Variants in MTREX observed in about 807,000 individuals in gnomAD.
MTREX encodes exosome RNA helicase MTR4.
MTREX carries 76 observed loss-of-function variants against 135.4 expected under a neutral mutation model. The ratio of observed to expected loss-of-function variants is 0.56; its 90% CI spans 0.47 to 0.68. MTREX has a LOEUF of 0.68. Ranked by LOEUF, MTREX falls within the 30% of genes least tolerant of loss-of-function variation. The pLI is 0.00. For missense variants in MTREX, 920 were observed against 1,262.1 expected, an observed-to-expected ratio of 0.73 and a Z score of 4.11; for synonymous variants, 404 against 401.6, an observed-to-expected ratio of 1.01 and a Z score of -0.07.
intron 8 of MTREX, among the ~76,000 whole-genome samples, chr5:55,344,149 A>T (rs1749693558): frequency 6.6e-6 from 1 of 152,144 alleles, no homozygotes; most frequent in Non-Finnish European, 1.5e-5. Context: ...GGTTTTGAAA[A>T]GCCTGGGTGG....
At chr5:55,371,583 T>C (rs549879540) in intron 16 of MTREX, among the ~76,000 whole-genome samples, 1 of 152,264 alleles carries the variant, frequency 6.6e-6, no homozygotes, top group South Asian at 2.1e-4. Flanking sequence ...TAGCTTCTTA[T>C]ACTAAAGTTC....
Position 55,400,433 on chromosome 5 carries a change from A to C in MTREX, c.2481+12A>C. On this transcript the variant is annotated intron_variant, in intron 21 of 26. Transcript: ENST00000230640. ...AAAAAAAAGCACAGGTATGGCAGAA[A>C]TTTGGTTTTTATAGTAGAATTCTAT... 1 of 1,555,650 alleles carries C rather than the reference A, an allele frequency of 6.4e-7. No individual in the cohort carries two copies. The highest frequency in any genetic ancestry group is 8.7e-7 in the Non-Finnish European group (1 of 1,147,022).
At chr5:55,409,029 G>A (rs1750848536) in intron 22 of MTREX, among the ~76,000 whole-genome samples, 1 of 151,998 alleles carries the variant, frequency 6.6e-6, no homozygotes, top group African/African-American at 2.4e-5. Flanking sequence ...ATGGCTCAGT[G>A]CAGTCTTGAC....
chr5:55,361,758 CTTT>C (rs34068588), intron 15 of MTREX, among the ~76,000 whole-genome samples: 2 of 143,888 alleles, frequency 1.4e-5, no homozygotes. Flanking sequence ...GCATCCAGCC[CTTT>C]TTTTTTTTTT....
intron 15 of MTREX, among the ~76,000 whole-genome samples, chr5:55,360,461 G>A (rs1411998633): frequency 1.3e-5 from 2 of 150,322 alleles, no homozygotes; most frequent in Non-Finnish European, 3.0e-5. Context: ...TCTCCTGACT[G>A]TGTACCTAGG....
At chr5:55,402,844 GTGTATGTA>G in intron 21 of MTREX, among the ~76,000 whole-genome samples, 1 of 54,114 alleles carries the variant, frequency 1.8e-5, no homozygotes, top group African/African-American at 5.9e-5. Flanking sequence ...GTGTGTGTAT[GTGTATGTA>G]TGTGTGTGTG....
intron 13 of MTREX, among the ~76,000 whole-genome samples, chr5:55,352,112 T>C (rs955636082): frequency 6.6e-6 from 1 of 152,088 alleles, no homozygotes; most frequent in African/African-American, 2.4e-5. Context: ...CTTGAACTCC[T>C]GACCTTAAGT....
intron 3 of MTREX, chr5:55,327,509 G>C: frequency 2.0e-6 from 1 of 512,080 alleles, no homozygotes. Context: ...AGACAAATGC[G>C]AGTAGATGTA....
At chr5:55,335,761 T>C (rs2112049205) in intron 5 of MTREX, among the ~76,000 whole-genome samples, 1 of 152,272 alleles carries the variant, frequency 6.6e-6, no homozygotes, top group Admixed American at 6.5e-5. Flanking sequence ...TCCAATAGTA[T>C]TTTAAGATTG....
intron 26 of MTREX, chr5:55,423,731 G>A (rs184889692): frequency 1.3e-5 from 2 of 152,136 alleles, no homozygotes; most frequent in East Asian, 1.9e-4. Flanking sequence ...GAGTGGTGGT[G>A]GGGGGGCAAG....
chr5:55,355,105 G>A (rs1749889240), intron 14 of MTREX, among the ~76,000 whole-genome samples: 1 of 152,184 alleles, frequency 6.6e-6, no homozygotes, highest in Non-Finnish European at 1.5e-5. Flanking sequence ...GAGAAGGAGA[G>A]AGTTAAGCAG....
intron 15 of MTREX, among the ~76,000 whole-genome samples, chr5:55,362,140 C>G (rs771981697): frequency 1.6e-4 from 20 of 127,724 alleles, no homozygotes; most frequent in Admixed American, 1.4e-3. Context: ...TGCCATGTTG[C>G]TAAGGCTTGT....
At chr5:55,387,695 G>T (rs950329339) in intron 18 of MTREX, among the ~76,000 whole-genome samples, 1 of 152,052 alleles carries the variant, frequency 6.6e-6, no homozygotes, top group Non-Finnish European at 1.5e-5. Flanking sequence ...GAAAATTTTA[G>T]TTTCTTAACA....
Position 55,425,421 on chromosome 5 carries a change from A to G in MTREX, c.*649A>G. On this transcript the variant is annotated 3_prime_UTR_variant, in exon 27 of 27. Transcript: ENST00000230640. ...TGATCAACAGCATCCTAAGATAAAT[A>G]TAAACAAAAGGATATACTTTGAGGT... 2 of 1,255,640 alleles carry G rather than the reference A, an allele frequency of 1.6e-6. No homozygotes were observed. The highest frequency in any genetic ancestry group is 2.2e-6 in the Non-Finnish European group (2 of 903,516). The allele number at this position is 1,255,640 out of a possible 1,614,324, so 77.8% of individuals were successfully genotyped here.
rs766337848 is a variant in MTREX at position 55,415,946 on chromosome 5, AT to A, written c.2809-20del. ...TGATATGGGAGATCATAAGTAAGGA[AT>A]TTTAACTCTTTTATCTTTAAAGGAA... On this transcript the variant is annotated intron_variant, in intron 24 of 26. Transcript: ENST00000230640. 1.9e-6 allele frequency: 3 copies of A among 1,543,898 alleles called. No homozygotes were observed. The African/African-American group carries it at 4.2e-5, about 22-fold the overall frequency.
intron 25 of MTREX, among the ~76,000 whole-genome samples, chr5:55,422,536 C>T (rs764498393): frequency 5.3e-5 from 8 of 152,170 alleles, no homozygotes; most frequent in Non-Finnish European, 1.0e-4. Flanking sequence ...TCCCTTGTTG[C>T]TGCTGCCTGA....
intron 15 of MTREX, among the ~76,000 whole-genome samples, 157 bp downstream of exon 15, chr5:55,358,855 A>G (rs917274248): frequency 6.6e-6 from 1 of 152,222 alleles, no homozygotes; most frequent in Non-Finnish European, 1.5e-5. Context: ...TGATTACTCA[A>G]AATACTAACA....
At chr5:55,388,310 TACA>T (rs992328279) in intron 19 of MTREX, among the ~76,000 whole-genome samples, 4 of 152,170 alleles carry the variant, frequency 2.6e-5, no homozygotes, top group African/African-American at 9.7e-5. Flanking sequence ...TTTATCAAAT[TACA>T]ACAAGATAAA....
At chr5:55,364,925 T>C (rs2112084710) in intron 15 of MTREX, among the ~76,000 whole-genome samples, 1 of 152,300 alleles carries the variant, frequency 6.6e-6, no homozygotes, top group African/African-American at 2.4e-5. Context: ...TTAGATAGTA[T>C]AGTGATGTTA....
Sources: allele counts gnomAD v4.1 joint callset (sites outside exome capture counted in the v4.1 genomes callset), GRCh38; gene constraint gnomAD v4.1.1; transcripts MANE v1.5; gene names NCBI Gene and HGNC (gene_info 2026-07-23, HGNC 2026-07-21).